KIF1A: variants seen among roughly 807,000 people sequenced by gnomAD.
KIF1A encodes the protein kinesin-like protein KIF1A.
Under a neutral mutation model 227.3 loss-of-function variants are expected in KIF1A, and 46 were observed. The ratio of observed to expected loss-of-function variants is 0.20; its 90% CI spans 0.16 to 0.26. The LOEUF is 0.26. Among genes scored for constraint, KIF1A ranks in the 10% least tolerant of loss-of-function variants. The pLI, the probability that KIF1A is intolerant of heterozygous loss-of-function variation, is 1.00. For missense variants in KIF1A, 1,683 were observed against 2,485.9 expected, an observed-to-expected ratio of 0.68 and a Z score of 6.87; for synonymous variants, 1,022 against 1,012.8, an observed-to-expected ratio of 1.01 and a Z score of -0.17.
intron 4 of KIF1A, 54 bp from the exon 5 acceptor site, chr2:240,787,370 C>A (rs2055075650): frequency 1.3e-6 from 2 of 1,514,302 alleles, no homozygotes; most frequent in Non-Finnish European, 1.8e-6. Context: ...CTCCCTGGAT[C>A]CCTGCCCCTT....
chr2:240,769,108 A>G, intron 17 of KIF1A, 25 bp downstream of exon 17: 2 of 1,588,680 alleles, frequency 1.3e-6, no homozygotes, highest in Non-Finnish European at 1.7e-6. Flanking sequence ...TGAGGGCAGT[A>G]CCACAGAACT....
At position 240,787,235 on chromosome 2, in the gene KIF1A, AGGC is replaced by A; in HGVS notation, c.429+13_429+15del. On this transcript the variant is annotated intron_variant, in intron 5 of 48. Transcript: ENST00000498729. ...CAGCCCTGCCCCAGCGGCCAACGGC[AGGC>A]GGGGAGCCCTACCTCCACGGAGTAG... is the stretch of plus-strand genomic sequence containing the variant. 1 of 1,607,440 alleles carries A rather than the reference AGGC, an allele frequency of 6.2e-7. No individual in the cohort carries two copies. The highest frequency in any genetic ancestry group is 8.5e-7 in the Non-Finnish European group (1 of 1,174,702).
Position 240,820,184 on chromosome 2 carries a change from C to G in KIF1A, c.-123G>C, listed in dbSNP as rs867244718. The G allele has an allele frequency of 1.0e-4, 15 of 149,500 alleles. No individual in the cohort carries two copies. The Middle Eastern group carries it at 0.021, about 208-fold the overall frequency. 9.3% of individuals were successfully genotyped at this position (149,500 alleles called of 1,614,324 possible). A position where few individuals can be genotyped will look rare whatever the true frequency, so the allele number is the denominator to read the frequency against. ...TGGCATGGGCGCGGGCTCTCGAGCC[C>G]GGAGCTGCTGCCGCTCGCCGGCTGC... On this transcript the variant is annotated 5_prime_UTR_variant, in exon 1 of 49. Coordinates refer to ENST00000498729, the MANE Select transcript of KIF1A (RefSeq NM_001244008.2). This position sits in a 1 kb window ranked among gnomAD's most constrained non-coding sequence, Gnocchi z 6.2.
At chr2:240,802,535 C>T (rs2057058892) in intron 1 of KIF1A, among the ~76,000 whole-genome samples, 1 of 152,176 alleles carries the variant, frequency 6.6e-6, no homozygotes, top group Non-Finnish European at 1.5e-5. Context: ...TCATAAGAGA[C>T]TCTACATACA....
Position 240,769,156 on chromosome 2 carries a change from A to C in KIF1A, c.1474T>G (p.Leu492Val). ...GVAMREDGGTLGVFSPKKTPH... is the reference protein window; with the variant it reads ...GVAMREDGGTVGVFSPKKTPH... ...ACCTTTTTGGGAGAGAATACGCCCAAGGTGCCGCCATCCTCCCTCATGGCC... is the reference window on the plus strand; with the variant it reads ...ACCTTTTTGGGAGAGAATACGCCCACGGTGCCGCCATCCTCCCTCATGGCC... Residue 492 changes from leucine to valine, a missense_variant, in exon 17 of 49, where the codon TTG (leucine) becomes GTG (valine). Leu to Val is a conservative substitution (Grantham distance 32, BLOSUM62 1). Around this residue, in one of 12 missense-constraint regions of KIF1A, gnomAD observed 217 missense variants for 427.0 expected, o/e 0.51. Coordinates refer to ENST00000498729, the MANE Select transcript of KIF1A (RefSeq NM_001244008.2). 1 of 1,611,052 alleles carries C rather than the reference A, an allele frequency of 6.2e-7. No individual in the cohort carries two copies. Among genetic ancestry groups the C allele is most frequent in the Non-Finnish European group, 8.5e-7 (1 of 1,178,962 alleles).
chr2:240,802,349 T>C (rs1011469290), intron 1 of KIF1A, among the ~76,000 whole-genome samples: 4 of 152,226 alleles, frequency 2.6e-5, no homozygotes, highest in African/African-American at 9.6e-5. Flanking sequence ...AATTAAAATT[T>C]ATTGTATGAA....
rs1002130918 is a variant in KIF1A, at chr2:240,786,579, C to T, written c.430-66G>A. ...GGGAGTGGGGCTGCCACTGGGGGGA[C>T]CCCTGAGTGAGGGGGTAGGGGTCAA... is the stretch of plus-strand genomic sequence containing the variant. On this transcript the variant is annotated intron_variant, in intron 5 of 48. Coordinates refer to ENST00000498729, the MANE Select transcript of KIF1A (RefSeq NM_001244008.2). The T allele has an allele frequency of 2.5e-5, 36 of 1,460,768 alleles. No homozygotes were observed. The Admixed American group carries it at 5.4e-4, about 22-fold the overall frequency. The allele number at this position is 1,460,768 out of a possible 1,614,324, so 90.5% of individuals were successfully genotyped here.
Position 240,723,564 on chromosome 2 carries a change from TG to T in KIF1A, c.4319-7del. On this transcript the variant is annotated splice_region_variant and splice_polypyrimidine_tract_variant and intron_variant, in intron 41 of 48. Coordinates refer to ENST00000498729, the MANE Select transcript of KIF1A (RefSeq NM_001244008.2). ...TCGGCGCCGGCGCTGCATCCCTGCA[TG>T]GGGCACGTGGACATTCCACCCCTAC... 4 of 1,530,032 alleles carry T rather than the reference TG, an allele frequency of 2.6e-6. No individual in the cohort carries two copies. Among genetic ancestry groups the T allele is most frequent in the Non-Finnish European group, 3.5e-6 (4 of 1,131,570 alleles). 94.8% of individuals were successfully genotyped at this position (1,530,032 alleles called of 1,614,324 possible).
rs1320944520 is a variant in KIF1A at position 240,758,223 on chromosome 2, G to A, written c.2582+137C>T. 3.1e-6 allele frequency: 3 copies of A among 960,752 alleles called. No homozygotes were observed. Among genetic ancestry groups the A allele is most frequent in the Non-Finnish European group, 4.5e-6 (3 of 672,042 alleles). The allele number at this position is 960,752 out of a possible 1,614,324, so 59.5% of individuals were successfully genotyped here. ...CTGGGAGGAACCTCAGGCCAGGGAG[G>A]ACAGGGCTGGGAATATGGGGCTGGA... On this transcript the variant is annotated intron_variant, in intron 26 of 48. Transcript: ENST00000498729. The surrounding 1 kb of genome is among the most constrained non-coding windows in gnomAD (Gnocchi z 5.2).
chr2:240,797,794 C>T lies in KIF1A; in HGVS notation c.-42G>A, dbSNP rs760392323. 1.2e-5 allele frequency: 16 copies of T among 1,320,886 alleles called. No individual in the cohort carries two copies. The East Asian group carries it at 3.8e-4, about 31-fold the overall frequency. The allele number at this position is 1,320,886 out of a possible 1,614,324, so 81.8% of individuals were successfully genotyped here. ...GGTCACTCCTCGCAGTAGTGGGAGCCCCAGTGTGGGGGGAACACCTTGGAA... is the reference window on the plus strand; with the variant it reads ...GGTCACTCCTCGCAGTAGTGGGAGCTCCAGTGTGGGGGGAACACCTTGGAA... On this transcript the variant is annotated 5_prime_UTR_variant, in exon 2 of 49. Coordinates refer to ENST00000498729, the MANE Select transcript of KIF1A (RefSeq NM_001244008.2).
chr2:240,788,367 A>C lies in KIF1A; in HGVS notation c.184-137T>G. On this transcript the variant is annotated intron_variant, in intron 3 of 48. Coordinates refer to ENST00000498729, the MANE Select transcript of KIF1A (RefSeq NM_001244008.2). The surrounding 1 kb of genome is among the most constrained non-coding windows in gnomAD (Gnocchi z 6.6). ...CAGTGGGGAGGGATGCCTGCCCCCCATCCTACTCCTGCCTTGTGGGGTAGC... is the reference window on the plus strand; with the variant it reads ...CAGTGGGGAGGGATGCCTGCCCCCCCTCCTACTCCTGCCTTGTGGGGTAGC... The C allele has an allele frequency of 1.3e-6, 1 of 743,092 alleles. No individual in the cohort carries two copies. Among genetic ancestry groups the C allele is most frequent in the Non-Finnish European group, 2.3e-6 (1 of 438,644 alleles). The allele number at this position is 743,092 out of a possible 1,614,324, so 46.0% of individuals were successfully genotyped here. A position where few individuals can be genotyped will look rare whatever the true frequency, so the allele number is the denominator to read the frequency against.
At chr2:240,820,626 G>C (rs1409727982), upstream of KIF1A, among the ~76,000 whole-genome samples, 2 of 149,830 alleles carry the variant, frequency 1.3e-5, no homozygotes, top group East Asian at 4.0e-4. The surrounding 1 kb of genome is among the most constrained non-coding windows in gnomAD (Gnocchi z 6.2). Context: ...ATCGTAAAAC[G>C]TCCACCTGCC....
Position 240,726,876 on chromosome 2 carries a change from C to T in KIF1A, c.4072G>A (p.Val1358Ile). Residue 1358 changes from valine (V) to isoleucine (I), a missense_variant, in exon 39 of 49, where the codon GTC (valine) becomes ATC (isoleucine). Physicochemically the swap from Val to Ile is conservative, Grantham distance 29. Around this residue, in one of 12 missense-constraint regions of KIF1A, gnomAD observed 759 missense variants for 1,020.2 expected, o/e 0.74. Transcript: ENST00000498729. This position sits in a 1 kb window ranked among gnomAD's most constrained non-coding sequence, Gnocchi z 5.2. The part of the protein sequence containing the change: ...SMHNSLLLNR[V>I]TPYREKIYMT... ...TAGATTTTCTCTCGATAAGGGGTGA[C>T]CCGGTTCAGCAGGAGAGAGTTGTGC... 6.2e-7 allele frequency: 1 copy of T among 1,612,738 alleles called. No individual in the cohort carries two copies. Among genetic ancestry groups the T allele is most frequent in the Non-Finnish European group, 8.5e-7 (1 of 1,179,516 alleles).
chr2:240,782,724 C>CGGGGTGGTAGAG, intron 9 of KIF1A, 117 bp from the exon 10 acceptor site: 2 of 1,097,516 alleles, frequency 1.8e-6, no homozygotes, highest in Non-Finnish European at 2.7e-6. Context: ...GGCTCTACCA[C>CGGGGTGGTAGAG]CCCGTGGTCT....
rs1025128349 is a variant in KIF1A, at chr2:240,785,946, G to A, written c.608+389C>T. Among the ~76,000 whole-genome samples the A allele has an allele frequency of 3.9e-5, 6 of 152,302 alleles. No individual in the cohort carries two copies. The East Asian group carries it at 1.2e-3, about 29-fold the overall frequency. On this transcript the variant is annotated intron_variant, in intron 6 of 48. Transcript: ENST00000498729. ...AGGAGCCAGGTTGCTTATGGCTGCAGCACTGCAGCCGACCCTCCCCACATG... is the reference window on the plus strand; with the variant it reads ...AGGAGCCAGGTTGCTTATGGCTGCAACACTGCAGCCGACCCTCCCCACATG...
intron 27 of KIF1A, among the ~76,000 whole-genome samples, chr2:240,755,667 G>T (rs1387011233): frequency 6.6e-6 from 1 of 152,186 alleles, no homozygotes; most frequent in Non-Finnish European, 1.5e-5. Context: ...CTTTTGTTTG[G>T]TTTGGTAGTT....
In KIF1A at chr2:240,745,727, C is replaced by A; in HGVS notation, c.3374+11G>T. ...GCGCAGCGCAGGGACACAAAGGCAG[C>A]AGGGCCTCACTTGAACTGGCAGAAG... On this transcript the variant is annotated intron_variant, in intron 31 of 48. Coordinates refer to ENST00000498729, the MANE Select transcript of KIF1A (RefSeq NM_001244008.2). 6.2e-7 allele frequency: 1 copy of A among 1,610,168 alleles called. No individual in the cohort carries two copies. The highest frequency in any genetic ancestry group is 1.1e-5 in the South Asian group (1 of 90,384).
rs142491297 is a variant in KIF1A at position 240,727,723 on chromosome 2, G to A, written c.4008-783C>T. Among the ~76,000 whole-genome samples, 600 of 152,330 alleles carry A rather than the reference G, an allele frequency of 3.9e-3. 3 individuals carry two copies. Among genetic ancestry groups the A allele is most frequent in the African/African-American group, 0.014 (563 of 41,580 alleles). On this transcript the variant is annotated intron_variant, in intron 38 of 48. Coordinates refer to ENST00000498729, the MANE Select transcript of KIF1A (RefSeq NM_001244008.2). ...ACAAACCCTGTCCCAGGGTGGCTCA[G>A]GGCCAGCCCCAGGGGCCTGGGATTT... is the stretch of plus-strand genomic sequence containing the variant.
Position 240,807,116 on chromosome 2 carries a change from G to GTA in KIF1A, c.-60-9305_-60-9304insTA, listed in dbSNP as rs1265497846. Among the ~76,000 whole-genome samples the GTA allele has an allele frequency of 9.9e-3, 1,379 of 139,758 alleles. 14 individuals carry two copies. Among genetic ancestry groups the GTA allele is most frequent in the Admixed American group, 0.016 (225 of 13,920 alleles). The allele number at this position is 139,758 out of a possible 152,430, so 91.7% of individuals were successfully genotyped here. ...TGTGTGTGTGTGTGTGTGTGTGTGT[G>GTA]TGTGTGTGTGTGTGTATATATATAT... is the stretch of plus-strand genomic sequence containing the variant. On this transcript the variant is annotated intron_variant, in intron 1 of 48. Coordinates refer to ENST00000498729, the MANE Select transcript of KIF1A (RefSeq NM_001244008.2).
Sources: gnomAD v4.1 joint callset for allele counts (sites outside exome capture counted in the v4.1 genomes callset) on GRCh38, gnomAD v4.1.1 for gene constraint, gnomAD v4.1.1 regional missense constraint, Gnocchi (gnomAD v3.1) non-coding constraint, MANE v1.5 for transcripts, NCBI Gene and HGNC (gene_info 2026-07-23, HGNC 2026-07-21) for gene names.